The following AQP7 variants were observed in gnomAD, a reference collection of about 807,000 sequenced individuals.
AQP7 encodes aquaporin-7.
A neutral mutation model predicts 26.1 loss-of-function variants in AQP7; 22 were observed. That is an observed-to-expected ratio of 0.84 (90% CI 0.60 to 1.20). The LOEUF is 1.20. Ranked by LOEUF, AQP7 falls within the 50% of genes most tolerant of loss-of-function variation. The pLI, the probability that AQP7 is intolerant of heterozygous loss-of-function variation, is 0.00. For synonymous variants in AQP7, 167 were observed against 181.7 expected (o/e 0.92, Z 0.65); for missense variants, 412 against 457.5 (o/e 0.90, Z 0.91).
intron 2 of AQP7, among the ~76,000 whole-genome samples, chr9:33,398,307 G>A (rs1414774313): frequency 3.3e-5 from 5 of 151,640 alleles, no homozygotes; most frequent in Non-Finnish European, 7.4e-5. Flanking sequence ...GGGCCAGGTG[G>A]CAGAAGGCCT....
At position 33,383,332 on chromosome 9, in the gene AQP7, A is replaced by AT; in HGVS notation, c.*1672dup. The AT allele has an allele frequency of 6.6e-6, 1 of 152,216 alleles. No homozygotes were observed. Among genetic ancestry groups the AT allele is most frequent in the Non-Finnish European group, 1.5e-5 (1 of 68,006 alleles). The allele number at this position is 152,216 out of a possible 1,614,324, so 9.4% of individuals were successfully genotyped here. On this transcript the variant is annotated 3_prime_UTR_variant, in exon 8 of 8. Transcript: ENST00000297988. ...GATCACACACATTTTGCCACCCCCC[A>AT]TTCCAAGTCCCATAGGCAACTCAGA...
intron 3 of AQP7, among the ~76,000 whole-genome samples, chr9:33,392,866 C>T (rs1260195680): frequency 6.6e-6 from 1 of 152,144 alleles, no homozygotes; most frequent in Non-Finnish European, 1.5e-5. Context: ...GTACTGGGTG[C>T]TGAGACTTGG....
intron 3 of AQP7, among the ~76,000 whole-genome samples, chr9:33,388,291 C>T (rs17251987): frequency 0.12 from 17,572 of 152,150 alleles, 1,091 homozygotes; most frequent in African/African-American, 0.15. Context: ...GAGCCAGAAA[C>T]AGATGTTGCA....
intron 3 of AQP7, among the ~76,000 whole-genome samples, chr9:33,388,205 G>A (rs533508741): frequency 5.3e-5 from 8 of 152,328 alleles, no homozygotes; most frequent in East Asian, 3.9e-4. Flanking sequence ...TTCCGCGGGC[G>A]TCTCAGGCTC....
At position 33,399,515 on chromosome 9, in the gene AQP7, C is replaced by T. The variant is rs577658447; in HGVS notation, c.26+1722G>A. Among the ~76,000 whole-genome samples, 22 of 151,940 alleles carry T rather than the reference C, an allele frequency of 1.4e-4. No homozygotes were observed. In the South Asian group the frequency reaches 4.2e-3, roughly 29 times the overall value. On this transcript the variant is annotated intron_variant, in intron 2 of 7. Coordinates refer to ENST00000297988, the MANE Select transcript of AQP7 (RefSeq NM_001170.3). ...GGGGGAGGGGCTGAGACATGAGAAT[C>T]GCTTGAACCCAAGAAGCAGAAGTTG...
intron 3 of AQP7, among the ~76,000 whole-genome samples, chr9:33,391,847 C>T (rs73487354): frequency 4.6e-5 from 7 of 152,274 alleles, no homozygotes; most frequent in Admixed American, 1.3e-4. Flanking sequence ...CAAATCTGCA[C>T]GGCAAGAATT....
chr9:33,400,819 A>G (rs1286680605), intron 2 of AQP7, among the ~76,000 whole-genome samples: 1 of 151,516 alleles, frequency 6.6e-6, no homozygotes, highest in Non-Finnish European at 1.5e-5. Context: ...AAAAAAAAAA[A>G]CCTGAAAAGA....
At chr9:33,395,492 A>G (rs1196404975) in intron 2 of AQP7, 9 of 389,510 alleles carry the variant, frequency 2.3e-5, no homozygotes, top group African/African-American at 6.1e-5. Flanking sequence ...CTGAAAGTGC[A>G]ATCCACGGTG....
At chr9:33,386,317 T>C (rs1824782248) in intron 5 of AQP7, 87 bp downstream of exon 5, 5 of 1,595,748 alleles carry the variant, frequency 3.1e-6, no homozygotes, top group Non-Finnish European at 2.6e-6. Flanking sequence ...AGCTATTTTT[T>C]ACAAATCAGG....
At position 33,383,288 on chromosome 9, in the gene AQP7, G is replaced by A. The variant is rs1134383; in HGVS notation, c.*1717C>T. 2 of 152,144 alleles carry A rather than the reference G, an allele frequency of 1.3e-5. No homozygotes were observed. Among genetic ancestry groups the A allele is most frequent in the South Asian group, 4.1e-4 (2 of 4,826 alleles). 9.4% of individuals were successfully genotyped at this position (152,144 alleles called of 1,614,324 possible). A position where few individuals can be genotyped will look rare whatever the true frequency, so the allele number is the denominator to read the frequency against. On this transcript the variant is annotated 3_prime_UTR_variant, in exon 8 of 8. Coordinates refer to ENST00000297988, the MANE Select transcript of AQP7 (RefSeq NM_001170.3). ...AAATAAGAAGACCAAGGCCCAGAAG[G>A]GTTGAATATCTTGCTCAAGATCACA...
intron 2 of AQP7, among the ~76,000 whole-genome samples, chr9:33,397,918 T>C (rs1250371885): frequency 1.3e-5 from 2 of 152,170 alleles, no homozygotes; most frequent in Non-Finnish European, 2.9e-5. Flanking sequence ...AACTCAAGAT[T>C]TCTTGAATCT....
Position 33,385,057 on chromosome 9 carries a change from G to A in AQP7, c.977C>T (p.Ser326Leu), listed in dbSNP as rs745882902. The A allele has an allele frequency of 2.5e-6, 4 of 1,611,960 alleles. No homozygotes were observed. Among genetic ancestry groups the A allele is most frequent in the Non-Finnish European group, 3.4e-6 (4 of 1,179,838 alleles). Residue 326 changes from serine (S) to leucine (L), a missense_variant, in exon 8 of 8, where the codon TCA (serine) becomes TTA (leucine). Physicochemically the swap from Ser to Leu is moderately radical, Grantham distance 145. Transcript: ENST00000297988. ...ATGTAAGGGTGGGGCAGGGTGGACT[G>A]AAGATCTGTTGGCAGGGCTCACAGA... is the stretch of plus-strand genomic sequence containing the variant. The part of the protein sequence containing the change: ...PVSVSPANRS[S>L]VHPAPPLHES...
intron 2 of AQP7, among the ~76,000 whole-genome samples, chr9:33,400,131 A>G (rs1411425705): frequency 1.3e-5 from 2 of 152,168 alleles, no homozygotes; most frequent in African/African-American, 4.8e-5. Flanking sequence ...GCTAGAGGCA[A>G]TGATGTCAAC....
At chr9:33,397,249 G>T (rs1825921901) in intron 2 of AQP7, among the ~76,000 whole-genome samples, 1 of 152,006 alleles carries the variant, frequency 6.6e-6, no homozygotes, top group African/African-American at 2.4e-5. Flanking sequence ...GCTGGTTGTT[G>T]CCTGCCGTGT....
At chr9:33,391,275 G>T (rs145980245) in intron 3 of AQP7, among the ~76,000 whole-genome samples, 3 of 152,304 alleles carry the variant, frequency 2.0e-5, no homozygotes, top group African/African-American at 7.2e-5. Flanking sequence ...TGAAAAATGA[G>T]CAGCTCAGGC....
chr9:33,386,789 C>G (rs4008675), intron 4 of AQP7, among the ~76,000 whole-genome samples, 180 bp downstream of exon 4: 7,639 of 148,766 alleles, frequency 0.051, 258 homozygotes, highest in Non-Finnish European at 0.073. Context: ...GGTCGGGGGG[C>G]CCAGGAAGAA....
At chr9:33,386,572 T>C (rs1824826427) in intron 4 of AQP7, 31 bp from the exon 5 acceptor site, 18 of 1,603,932 alleles carry the variant, frequency 1.1e-5, no homozygotes, top group Non-Finnish European at 1.5e-5. Flanking sequence ...TGTCAGGGAG[T>C]GAGAGCAGAA....
At chr9:33,399,678 C>T (rs1425262120) in intron 2 of AQP7, among the ~76,000 whole-genome samples, 1 of 152,110 alleles carries the variant, frequency 6.6e-6, no homozygotes, top group African/African-American at 2.4e-5. Flanking sequence ...ACCCACTCTC[C>T]ACCCTTGGGT....
chr9:33,389,392 C>G (rs1359786543), intron 3 of AQP7, among the ~76,000 whole-genome samples: 1 of 152,136 alleles, frequency 6.6e-6, no homozygotes, highest in African/African-American at 2.4e-5. Context: ...CCGGGCTGGT[C>G]TCGAGCTCCT....
Sources: gnomAD v4.1 joint callset for allele counts (sites outside exome capture counted in the v4.1 genomes callset) on GRCh38, gnomAD v4.1.1 for gene constraint, MANE v1.5 for transcripts, NCBI Gene and HGNC (gene_info 2026-07-23, HGNC 2026-07-21) for gene names.